The following NAALADL2 variants were observed in gnomAD, a reference collection of about 807,000 sequenced individuals.
The protein encoded by NAALADL2 is inactive N-acetylated-alpha-linked acidic dipeptidase-like protein 2.
Under a neutral mutation model 87.2 loss-of-function variants are expected in NAALADL2, and 76 were observed. The ratio of observed to expected loss-of-function variants is 0.87; its 90% CI spans 0.72 to 1.05. The LOEUF is 1.05. NAALADL2 is among the 50% of genes least tolerant of loss of function. The pLI is 0.00. For missense variants in NAALADL2, 1,089 were observed against 945.8 expected (o/e 1.15, Z -1.99); for synonymous variants, 354 against 331.0 (o/e 1.07, Z -0.75).
chr3:174,848,772 TTTG>T (rs1724915149), intron 3 of NAALADL2, among the ~76,000 whole-genome samples: 1 of 152,154 alleles, frequency 6.6e-6, no homozygotes, highest in Non-Finnish European at 1.5e-5. Context: ...TTAACTGATT[TTTG>T]TTGTTGCGTG....
chr3:174,528,769 G>C (rs536086473), intron 1 of NAALADL2, among the ~76,000 whole-genome samples: 2 of 152,182 alleles, frequency 1.3e-5, no homozygotes, highest in African/African-American at 4.8e-5. Context: ...AAGAGAGCTT[G>C]TGCAGAGAAA....
At chr3:175,585,646 A>AATAT (rs1720439543) in intron 10 of NAALADL2, among the ~76,000 whole-genome samples, 2 of 152,172 alleles carry the variant, frequency 1.3e-5, no homozygotes, top group South Asian at 4.1e-4. Context: ...ATTTCCAAAA[A>AATAT]ATATAAGTGG....
Position 175,810,166 on chromosome 3 carries a change from A to G in NAALADL2, c.*6963A>G, listed in dbSNP as rs1207622233. The G allele has an allele frequency of 6.6e-6, 1 of 152,034 alleles. No homozygotes were observed. Among genetic ancestry groups the G allele is most frequent in the East Asian group, 1.9e-4 (1 of 5,184 alleles). The allele number at this position is 152,034 out of a possible 1,614,324, so 9.4% of individuals were successfully genotyped here. On this transcript the variant is annotated 3_prime_UTR_variant, in exon 14 of 14. Transcript: ENST00000454872. ...ATTTGTCGGTAGTTTTTAAATTACTATATAGGGTTGAATGTCTAATTTCTA... is the reference window on the plus strand; with the variant it reads ...ATTTGTCGGTAGTTTTTAAATTACTGTATAGGGTTGAATGTCTAATTTCTA...
intron 1 of NAALADL2, among the ~76,000 whole-genome samples, chr3:174,994,909 A>C (rs992964304): frequency 2.2e-4 from 34 of 152,156 alleles, no homozygotes; most frequent in African/African-American, 8.0e-4. Flanking sequence ...TCTTTGTAAC[A>C]GTCATCCCTT....
chr3:175,607,913 G>GCACACACATGCA (rs1553931905), intron 10 of NAALADL2, among the ~76,000 whole-genome samples: 5 of 149,094 alleles, frequency 3.4e-5, no homozygotes, highest in Admixed American at 6.7e-5. Context: ...ACACACACAC[G>GCACACACATGCA]CACACACACG....
At chr3:175,135,453 T>C (rs1476751913) in intron 2 of NAALADL2, among the ~76,000 whole-genome samples, 2 of 151,992 alleles carry the variant, frequency 1.3e-5, no homozygotes, top group Non-Finnish European at 2.9e-5. Context: ...ATTTGTAGAG[T>C]AAGCGTGTGT....
At chr3:174,984,477 C>A (rs772220238) in intron 1 of NAALADL2, among the ~76,000 whole-genome samples, 2 of 151,834 alleles carry the variant, frequency 1.3e-5, no homozygotes. Context: ...GTTCTAGTAA[C>A]AGCAGCATTC....
chr3:174,728,461 G>T (rs1732407552), intron 2 of NAALADL2, among the ~76,000 whole-genome samples: 1 of 151,950 alleles, frequency 6.6e-6, no homozygotes, highest in Admixed American at 6.6e-5. Flanking sequence ...ATAGTAATAG[G>T]TAGCCTTTTT....
At chr3:174,829,682 A>C (rs952114421) in intron 3 of NAALADL2, among the ~76,000 whole-genome samples, 2 of 142,758 alleles carry the variant, frequency 1.4e-5, no homozygotes, top group Non-Finnish European at 3.0e-5. Flanking sequence ...ATCCCTGAGG[A>C]ATCGCCACAC....
At chr3:175,512,315 G>A (rs1470563507) in intron 9 of NAALADL2, among the ~76,000 whole-genome samples, 2 of 152,136 alleles carry the variant, frequency 1.3e-5, no homozygotes, top group African/African-American at 4.8e-5. Context: ...TAAGTCCTAT[G>A]TTAAATGTGA....
chr3:175,066,280 C>A (rs1206486515), intron 1 of NAALADL2, among the ~76,000 whole-genome samples: 1 of 152,134 alleles, frequency 6.6e-6, no homozygotes, highest in Non-Finnish European at 1.5e-5. Context: ...TTACCTGTCA[C>A]CTTCTCTGAG....
At chr3:175,268,985 C>T (rs1394383718) in intron 4 of NAALADL2, among the ~76,000 whole-genome samples, 2 of 150,568 alleles carry the variant, frequency 1.3e-5, no homozygotes, top group Non-Finnish European at 2.9e-5. Context: ...GTCACCCAGG[C>T]TGAAATGCAG....
At chr3:175,504,659 G>A (rs1730050001) in intron 9 of NAALADL2, among the ~76,000 whole-genome samples, 1 of 150,072 alleles carries the variant, frequency 6.7e-6, no homozygotes, top group African/African-American at 2.5e-5. Flanking sequence ...AGGCCAGCAA[G>A]AGACCCTTCA....
intron 3 of NAALADL2, among the ~76,000 whole-genome samples, chr3:175,253,498 T>C (rs1002052767): frequency 1.3e-5 from 2 of 152,112 alleles, no homozygotes; most frequent in African/African-American, 4.8e-5. Context: ...GTACAGGAGG[T>C]TCATGTTGTT....
chr3:174,928,489 C>T (rs1736416560), intron 1 of NAALADL2, among the ~76,000 whole-genome samples: 1 of 152,174 alleles, frequency 6.6e-6, no homozygotes, highest in African/African-American at 2.4e-5. Flanking sequence ...ATTCACCCGC[C>T]TCGGCCTCCC....
chr3:175,742,404 T>C (rs1745348049), intron 12 of NAALADL2, among the ~76,000 whole-genome samples: 1 of 152,200 alleles, frequency 6.6e-6, no homozygotes, highest in Admixed American at 6.5e-5. Flanking sequence ...TTTGTTTGTT[T>C]GTTTGTTTTC....
At position 175,805,023 on chromosome 3, in the gene NAALADL2, T is replaced by A. The variant is rs1754580566; in HGVS notation, c.*1820T>A. The A allele has an allele frequency of 6.6e-6, 1 of 151,920 alleles. No homozygotes were observed. Among genetic ancestry groups the A allele is most frequent in the Non-Finnish European group, 1.5e-5 (1 of 67,872 alleles). The allele number at this position is 151,920 out of a possible 1,614,324, so 9.4% of individuals were successfully genotyped here. A position where few individuals can be genotyped will look rare whatever the true frequency, so the allele number is the denominator to read the frequency against. Reference sequence around the variant, plus strand: ...AGAAATAAATAGGCTTGTGCATACCTAGGCATTCATGCTCTTTCTTCCTCT... The same window carrying A: ...AGAAATAAATAGGCTTGTGCATACCAAGGCATTCATGCTCTTTCTTCCTCT... On this transcript the variant is annotated 3_prime_UTR_variant, in exon 14 of 14. Coordinates refer to ENST00000454872, the MANE Select transcript of NAALADL2 (RefSeq NM_207015.3).
chr3:175,713,899 G>C (rs1740877188), intron 11 of NAALADL2, among the ~76,000 whole-genome samples: 1 of 151,932 alleles, frequency 6.6e-6, no homozygotes, highest in African/African-American at 2.4e-5. Flanking sequence ...CTCCCCAATA[G>C]GCCCTGGTGT....
At chr3:175,753,534 T>C (rs1559974453) in intron 12 of NAALADL2, among the ~76,000 whole-genome samples, 1 of 152,210 alleles carries the variant, frequency 6.6e-6, no homozygotes, top group Non-Finnish European at 1.5e-5. Context: ...ATTATCATTT[T>C]AGAGGTTGGC....
Sources: allele counts gnomAD v4.1 joint callset (sites outside exome capture counted in the v4.1 genomes callset), GRCh38; gene constraint gnomAD v4.1.1; transcripts MANE v1.5; gene names NCBI Gene and HGNC (gene_info 2026-07-23, HGNC 2026-07-21).